Variants in DNHD1 observed in about 807,000 individuals in gnomAD.
DNHD1 encodes the protein dynein heavy chain domain 1, also known as dynein heavy chain domain-containing protein 1.
DNHD1 carries 383 observed loss-of-function variants against 458.1 expected under a neutral mutation model. That is an observed-to-expected ratio of 0.84 (90% confidence interval 0.77 to 0.91). The LOEUF is 0.91. Ranked by LOEUF, DNHD1 falls within the 40% of genes least tolerant of loss-of-function variation. DNHD1 has a pLI of 0.00. For missense variants in DNHD1, 5,336 were observed against 5,866.1 expected, an observed-to-expected ratio of 0.91 and a Z score of 2.95; for synonymous variants, 2,203 against 2,376.9, an observed-to-expected ratio of 0.93 and a Z score of 2.13.
intron 18 of DNHD1, among the ~76,000 whole-genome samples, chr11:6,542,981 G>T (rs1293380013): frequency 6.6e-6 from 1 of 152,182 alleles, no homozygotes; most frequent in Admixed American, 6.5e-5. Flanking sequence ...AAAAGCTGAA[G>T]TACAGTTACA....
Position 6,548,645 on chromosome 11 carries a change from A to T in DNHD1, c.7099A>T (p.Thr2367Ser), listed in dbSNP as rs1311743711. The change falls in exon 24 of 43, where the codon ACT (threonine) becomes TCT (serine). Residue 2367 changes from threonine (T) to serine (S), a missense_variant and splice_region_variant. Physicochemically the swap from Thr to Ser is moderately conservative, Grantham distance 58. This residue lies in a region of DNHD1 where 3,932 missense variants were observed against 4,365.6 expected (regional missense o/e 0.90). Coordinates refer to ENST00000254579, the MANE Select transcript of DNHD1 (RefSeq NM_144666.3). The surrounding 1 kb of genome is among the most constrained non-coding windows in gnomAD (Gnocchi z 4.4). The part of the protein sequence containing the change: ...TLGTFHPSIQ[T>S]ERLLYVVDLL... ...AGTAAGTCCCACTTCTGTCTTGCAG[A>T]CTGAACGGCTCTTGTATGTGGTGGA... 1 of 1,551,450 alleles carries T rather than the reference A, an allele frequency of 6.4e-7. No individual in the cohort carries two copies. Among genetic ancestry groups the T allele is most frequent in the East Asian group, 2.4e-5 (1 of 40,920 alleles).
intron 10 of DNHD1, among the ~76,000 whole-genome samples, chr11:6,525,292 C>T (rs909297139): frequency 6.6e-6 from 1 of 152,218 alleles, no homozygotes; most frequent in Non-Finnish European, 1.5e-5. Flanking sequence ...ATCTGTCTAC[C>T]TCTAGCTGTA....
At chr11:6,544,730 C>T (rs1405859561) in intron 20 of DNHD1, 59 bp downstream of exon 20, 19 of 1,538,090 alleles carry the variant, frequency 1.2e-5, no homozygotes, top group African/African-American at 2.7e-5. Flanking sequence ...CAGGGCTCAG[C>T]GTGGGAAAGG....
Position 6,546,027 on chromosome 11 carries a change from A to C in DNHD1, c.5088A>C (p.Ile1696=). 6.4e-7 allele frequency: 1 copy of C among 1,551,552 alleles called. No individual in the cohort carries two copies. The change falls in exon 21 of 43, where the codon ATA becomes ATC. Residue 1696 remains isoleucine (I), a synonymous_variant. Coordinates refer to ENST00000254579, the MANE Select transcript of DNHD1 (RefSeq NM_144666.3). ...LGPNGVGKRA[I]VNSLAQALGR... ...CTAATGGTGTGGGCAAGAGAGCTAT[A>C]GTGAACAGCCTGGCACAGGCCCTGG...
chr11:6,548,145 G>T lies in DNHD1; in HGVS notation c.6906-65G>T. Reference sequence around the variant, plus strand: ...ACTGTTAGGGTATGGTGGAGTGTGTGAGTGTGTCATAAATGGAAGTGTTGT... The same window carrying T: ...ACTGTTAGGGTATGGTGGAGTGTGTTAGTGTGTCATAAATGGAAGTGTTGT... On this transcript the variant is annotated intron_variant, in intron 22 of 42. Coordinates refer to ENST00000254579, the MANE Select transcript of DNHD1 (RefSeq NM_144666.3). This position sits in a 1 kb window ranked among gnomAD's most constrained non-coding sequence, Gnocchi z 4.4. 1.9e-6 allele frequency: 3 copies of T among 1,544,724 alleles called. No individual in the cohort carries two copies. The highest frequency in any genetic ancestry group is 2.6e-6 in the Non-Finnish European group (3 of 1,140,986).
At chr11:6,539,471 G>A (rs1853043414) in intron 17 of DNHD1, among the ~76,000 whole-genome samples, 158 bp downstream of exon 17, 1 of 152,194 alleles carries the variant, frequency 6.6e-6, no homozygotes, top group Admixed American at 6.5e-5. Flanking sequence ...TCTCCAGATG[G>A]GGATCTCTTG....
Position 6,533,798 on chromosome 11 carries a change from G to A in DNHD1, c.2623G>A (p.Asp875Asn). The change falls in exon 14 of 43, where the codon GAC (aspartate) becomes AAC (asparagine). Residue 875 changes from aspartate (D) to asparagine (N), a missense_variant. Asp to Asn is a conservative substitution (Grantham distance 23). Transcript: ENST00000254579. ...CTTTAGTGCTGAGAATGAAGCACTG[G>A]ACATCTCGGTGAGAAGGCAATTCGG... The part of the protein sequence containing the change: ...SLFSAENEAL[D>N]ISVRRQFGES... 1.9e-6 allele frequency: 3 copies of A among 1,551,486 alleles called. No homozygotes were observed. The highest frequency in any genetic ancestry group is 1.7e-6 in the Non-Finnish European group (2 of 1,146,956).
At position 6,546,892 on chromosome 11, in the gene DNHD1, G is replaced by C; in HGVS notation, c.5953G>C (p.Ala1985Pro). 6.4e-7 allele frequency: 1 copy of C among 1,551,734 alleles called. No individual in the cohort carries two copies. Among genetic ancestry groups the C allele is most frequent in the Non-Finnish European group, 8.7e-7 (1 of 1,146,992 alleles). The part of the protein sequence containing the change: ...LEQLSQALSR[A>P]SGILLLGPAG... ...ACAGTTGAGCCAGGCCCTGAGCCGGGCCTCAGGCATTCTGCTCCTGGGCCC... is the reference window on the plus strand; with the variant it reads ...ACAGTTGAGCCAGGCCCTGAGCCGGCCCTCAGGCATTCTGCTCCTGGGCCC... The change falls in exon 21 of 43, where the codon GCC becomes CCC. Residue 1985 changes from alanine (A) to proline (P), a missense_variant. Transcript: ENST00000254579.
intron 3 of DNHD1, among the ~76,000 whole-genome samples, chr11:6,499,964 GA>G (rs1319207695): frequency 2.7e-5 from 2 of 75,044 alleles, no homozygotes; most frequent in African/African-American, 4.2e-5. Flanking sequence ...TCTAACTTTC[GA>G]TTTTTTTTTT....
At position 6,499,896 on chromosome 11, in the gene DNHD1, A is replaced by T. The variant is rs146553869; in HGVS notation, c.746+935A>T. ...GTTTTCTTTTTTAAAATATCTGGCTATCAGAGCTCTCTACAGGATTTCAGA... is the reference window on the plus strand; with the variant it reads ...GTTTTCTTTTTTAAAATATCTGGCTTTCAGAGCTCTCTACAGGATTTCAGA... On this transcript the variant is annotated intron_variant, in intron 3 of 42. Coordinates refer to ENST00000254579, the MANE Select transcript of DNHD1 (RefSeq NM_144666.3). Among the ~76,000 whole-genome samples the T allele has an allele frequency of 1.1e-4, 17 of 150,776 alleles. No individual in the cohort carries two copies. In the East Asian group the frequency reaches 3.4e-3, roughly 30 times the overall value.
chr11:6,512,423 T>G (rs181739476), intron 7 of DNHD1, among the ~76,000 whole-genome samples: 2 of 151,562 alleles, frequency 1.3e-5, no homozygotes, highest in Admixed American at 1.3e-4. Flanking sequence ...GGGGTTTCAC[T>G]GTGTTAGCCA....
At chr11:6,509,420 G>T in intron 6 of DNHD1, 148 bp downstream of exon 6, 1 of 682,318 alleles carries the variant, frequency 1.5e-6, no homozygotes, top group Non-Finnish European at 2.4e-6. Context: ...ACATTTTGTT[G>T]CATATCTTTC....
intron 4 of DNHD1, 53 bp from the exon 5 acceptor site, chr11:6,508,827 A>C (rs963283157): frequency 2.5e-6 from 4 of 1,586,548 alleles, no homozygotes; most frequent in East Asian, 4.5e-5. Context: ...TTGGTCTCTT[A>C]AAGTCTGACC....
chr11:6,509,258 A>T lies in DNHD1; in HGVS notation c.1221A>T (p.Leu407=), dbSNP rs752491082. 6 of 1,613,224 alleles carry T rather than the reference A, an allele frequency of 3.7e-6. No individual in the cohort carries two copies. The highest frequency in any genetic ancestry group is 5.1e-6 in the Non-Finnish European group (6 of 1,179,826). Residue 407 remains leucine, a synonymous_variant, in exon 6 of 43, where the codon CTA becomes CTT. Transcript: ENST00000254579. ...LLAVPHFGAG[L]LHISRLLQEL... Reference sequence around the variant, plus strand: ...CTGTGCCCCACTTTGGAGCTGGGCTACTCCATATTAGCAGGTGAGGTATTA... The same window carrying T: ...CTGTGCCCCACTTTGGAGCTGGGCTTCTCCATATTAGCAGGTGAGGTATTA...
At chr11:6,531,689 T>C (rs969464114) in intron 12 of DNHD1, among the ~76,000 whole-genome samples, 4 of 152,180 alleles carry the variant, frequency 2.6e-5, no homozygotes, top group Non-Finnish European at 1.5e-5. Context: ...GTTTTCTTAT[T>C]ATCAGGTCTT....
rs1295876577 is a variant in DNHD1 at position 6,567,765 on chromosome 11, C to T, written c.12256C>T (p.Gln4086Ter). ...GCCCTTTAAACATAGTCAGGCTACT[C>T]AGCCCATGCTGATCTTGTTGCCACC... ...TMPFKHSQAT[Q>*]PMLILLPPPG... Residue 4086 changes from glutamine to a stop codon, truncating the protein, a stop_gained, in exon 36 of 43, where the codon CAG becomes TAG. Coordinates refer to ENST00000254579, the MANE Select transcript of DNHD1 (RefSeq NM_144666.3). LOFTEE classifies it high-confidence loss of function. 4.3e-6 allele frequency: 7 copies of T among 1,613,888 alleles called. No individual in the cohort carries two copies. Among genetic ancestry groups the T allele is most frequent in the Non-Finnish European group, 5.9e-6 (7 of 1,179,920 alleles).
chr11:6,520,423 C>G, intron 10 of DNHD1, 134 bp downstream of exon 10: 1 of 1,515,856 alleles, frequency 6.6e-7, no homozygotes, highest in Non-Finnish European at 8.8e-7. Context: ...CAGCTCTAAC[C>G]TGGGTACTGC....
chr11:6,551,732 G>A (rs544875327), intron 24 of DNHD1, among the ~76,000 whole-genome samples: 14 of 152,276 alleles, frequency 9.2e-5, no homozygotes, highest in African/African-American at 2.4e-4. Context: ...CACGAGGTCA[G>A]GAGATGGAGA....
Position 6,546,998 on chromosome 11 carries a change from C to T in DNHD1, c.6059C>T (p.Thr2020Ile), listed in dbSNP as rs1057495175. Residue 2020 changes from threonine to isoleucine, a missense_variant, in exon 21 of 43, where the codon ACC becomes ATC. By Grantham distance (89) the Thr-to-Ile change is moderately conservative (BLOSUM62 -1). Transcript: ENST00000254579. ...CTGGCAGCCATGGAGGACACCTCAA[C>T]CCAAGGCTGCCAGCCTGTGGAAATT... ...NRLAAMEDTS[T>I]QGCQPVEITH... The T allele has an allele frequency of 1.3e-6, 2 of 1,551,508 alleles. No homozygotes were observed. Among genetic ancestry groups the T allele is most frequent in the Non-Finnish European group, 8.7e-7 (1 of 1,146,916 alleles).
Sources: gnomAD v4.1 joint callset for allele counts (sites outside exome capture counted in the v4.1 genomes callset) on GRCh38, gnomAD v4.1.1 for gene constraint, gnomAD v4.1.1 regional missense constraint, Gnocchi (gnomAD v3.1) non-coding constraint, MANE v1.5 for transcripts, NCBI Gene and HGNC (gene_info 2026-07-23, HGNC 2026-07-21) for gene names.